ASAP3: variants seen among roughly 807,000 people sequenced by gnomAD.
ASAP3 encodes arf-GAP with SH3 domain, ANK repeat and PH domain-containing protein 3.
Under a neutral mutation model 118.2 loss-of-function variants are expected in ASAP3, and 85 were observed. The observed-to-expected ratio is 0.72, with a 90% CI of 0.60 to 0.86. The LOEUF is 0.86. Among genes scored for constraint, ASAP3 ranks in the 40% least tolerant of loss-of-function variants. The probability of loss-of-function intolerance (pLI) is 0.00; values close to 1 mark genes in which losing one functional copy is unlikely to be tolerated. For missense variants in ASAP3, 1,026 were observed against 1,175.0 expected (o/e 0.87, Z 1.85); for synonymous variants, 432 against 477.4 (o/e 0.90, Z 1.24).
chr1:23,469,223 T>C (rs531524835), intron 1 of ASAP3, among the ~76,000 whole-genome samples: 26 of 152,170 alleles, frequency 1.7e-4, no homozygotes, highest in African/African-American at 6.0e-4. Flanking sequence ...AGGGTATCAC[T>C]TGAGCCCAGG....
chr1:23,435,849 A>G lies in ASAP3; in HGVS notation c.1749+2T>C, dbSNP rs1048602825. 2.5e-6 allele frequency: 4 copies of G among 1,614,238 alleles called. No homozygotes were observed. The highest frequency in any genetic ancestry group is 3.4e-6 in the Non-Finnish European group (4 of 1,180,046). ...ATAAGTGGCCCTTGGAGGGGTTCTC[A>G]CCTGTGCATCAGGCCCTGGCAGCGG... On this transcript the variant is annotated splice_donor_variant, in intron 17 of 24. Transcript: ENST00000336689. LOFTEE classifies it high-confidence loss of function.
chr1:23,476,773 T>C (rs1642141023), intron 1 of ASAP3, among the ~76,000 whole-genome samples: 1 of 152,212 alleles, frequency 6.6e-6, no homozygotes, highest in South Asian at 2.1e-4. Context: ...GGGTCACATA[T>C]ATTTCAGCTT....
chr1:23,464,209 C>G (rs942974340), intron 1 of ASAP3, among the ~76,000 whole-genome samples: 1 of 150,260 alleles, frequency 6.7e-6, no homozygotes, highest in Non-Finnish European at 1.5e-5. Context: ...TTTTTTGAGA[C>G]ACAGTCTCTC....
chr1:23,436,851 G>GGA lies in ASAP3; in HGVS notation c.1476+58_1476+59dup. On this transcript the variant is annotated intron_variant, in intron 15 of 24. Coordinates refer to ENST00000336689, the MANE Select transcript of ASAP3 (RefSeq NM_017707.4). The surrounding 1 kb of genome is among the most constrained non-coding windows in gnomAD (Gnocchi z 4.2). ...CCCACAACCTGCAAGCCCCGCCCCC[G>GGA]GATGAAACTACACCCCTAACTCCGC... The GGA allele has an allele frequency of 7.6e-7, 1 of 1,321,564 alleles. No homozygotes were observed. The highest frequency in any genetic ancestry group is 1.0e-6 in the Non-Finnish European group (1 of 999,848). The allele number at this position is 1,321,564 out of a possible 1,614,324, so 81.9% of individuals were successfully genotyped here.
rs142945237 is a variant in ASAP3, at chr1:23,431,121, C to T, written c.2551G>A (p.Glu851Lys). 9.7e-4 allele frequency: 1,542 copies of T among 1,585,638 alleles called. 2 individuals are homozygous for T. The highest frequency in any genetic ancestry group is 1.2e-3 in the Non-Finnish European group (1,433 of 1,166,308). The stretch of plus-strand genomic sequence containing the variant: ...CCCCGCCGATAGGAGCGAGTGCTCT[C>T]GGAGCTGGAAGGCAGGGAAAGGCCA... Reference protein sequence around the residue: ...EMYLPVRFSSESTRSYRRGAR... With the variant: ...EMYLPVRFSSKSTRSYRRGAR... Residue 851 changes from glutamate to lysine, a missense_variant, in exon 24 of 25, where the codon GAG (glutamate) becomes AAG (lysine). By Grantham distance (56) the Glu-to-Lys change is moderately conservative. Coordinates refer to ENST00000336689, the MANE Select transcript of ASAP3 (RefSeq NM_017707.4).
chr1:23,467,563 T>C (rs1318115072), intron 1 of ASAP3, among the ~76,000 whole-genome samples: 1 of 152,168 alleles, frequency 6.6e-6, no homozygotes, highest in Non-Finnish European at 1.5e-5. Context: ...TTAGAGATTA[T>C]CTAACATTAC....
chr1:23,447,734 CTTTCT>C (rs1401788245), intron 5 of ASAP3, among the ~76,000 whole-genome samples: 10 of 152,104 alleles, frequency 6.6e-5, no homozygotes, highest in East Asian at 5.8e-4. Context: ...TTTCTTCTTT[CTTTCT>C]TTTATTTTTT....
Position 23,435,946 on chromosome 1 carries a change from A to G in ASAP3, c.1654T>C (p.Trp552Arg). Reference sequence around the variant, plus strand: ...AGGTCCCTGTTGCAAATGGCTGTCCAGAGTCGCTGAGGCTCAGGTGTGCAC... The same window carrying G: ...AGGTCCCTGTTGCAAATGGCTGTCCGGAGTCGCTGAGGCTCAGGTGTGCAC... Reference protein sequence around the residue: ...RRCTPEPQRLWTAICNRDLLS... With the variant: ...RRCTPEPQRLRTAICNRDLLS... The change falls in exon 17 of 25, where the codon TGG (tryptophan) becomes CGG (arginine). Residue 552 changes from tryptophan to arginine, a missense_variant. Transcript: ENST00000336689. The G allele has an allele frequency of 6.2e-7, 1 of 1,614,258 alleles. No individual in the cohort carries two copies. Among genetic ancestry groups the G allele is most frequent in the African/African-American group, 1.3e-5 (1 of 75,074 alleles).
chr1:23,458,741 T>A (rs939534752), intron 1 of ASAP3, among the ~76,000 whole-genome samples: 37 of 151,004 alleles, frequency 2.5e-4, no homozygotes, highest in Admixed American at 2.2e-3. Context: ...ACTTCTATGG[T>A]TCCCCAAAAT....
At position 23,454,550 on chromosome 1, in the gene ASAP3, C is replaced by T. The variant is rs894671796; in HGVS notation, c.348+1331G>A. Among the ~76,000 whole-genome samples the T allele has an allele frequency of 2.0e-5, 3 of 152,226 alleles. No homozygotes were observed. The East Asian group carries it at 5.8e-4, about 29-fold the overall frequency. On this transcript the variant is annotated intron_variant, in intron 3 of 24. Transcript: ENST00000336689. ...CCCAGGCTGGTCTAGAGCTTCTGGG[C>T]TCAAGCGATCCACACACCTCAGGCT... is the stretch of plus-strand genomic sequence containing the variant.
intron 5 of ASAP3, among the ~76,000 whole-genome samples, chr1:23,448,492 C>G (rs1023924707): frequency 2.6e-5 from 4 of 152,076 alleles, no homozygotes; most frequent in African/African-American, 7.2e-5. Context: ...AGGTCTAGCT[C>G]TGTCTCCCAA....
intron 4 of ASAP3, 100 bp from the exon 5 acceptor site, chr1:23,451,628 C>G (rs1641218076): frequency 2.3e-6 from 3 of 1,325,392 alleles, no homozygotes; most frequent in Non-Finnish European, 1.1e-6. Flanking sequence ...GTGTGCTCCC[C>G]TGAGCTGCTC....
At position 23,431,273 on chromosome 1, in the gene ASAP3, C is replaced by T. The variant is rs1570320073; in HGVS notation, c.2547-148G>A. ...CCCCAGGCCAGGTCCATCACAGGCC[C>T]AAGAAGGCTGGAACTGACCTCCAGA... is the stretch of plus-strand genomic sequence containing the variant. On this transcript the variant is annotated intron_variant, in intron 23 of 24. Coordinates refer to ENST00000336689, the MANE Select transcript of ASAP3 (RefSeq NM_017707.4). 5.3e-6 allele frequency: 4 copies of T among 760,594 alleles called. No individual in the cohort carries two copies. The East Asian group carries it at 1.1e-4, about 21-fold the overall frequency. The allele number at this position is 760,594 out of a possible 1,614,324, so 47.1% of individuals were successfully genotyped here. A position where few individuals can be genotyped will look rare whatever the true frequency, so the allele number is the denominator to read the frequency against.
intron 1 of ASAP3, among the ~76,000 whole-genome samples, chr1:23,482,122 A>T (rs1264099745): frequency 6.6e-6 from 1 of 152,256 alleles, no homozygotes; most frequent in East Asian, 1.9e-4. Context: ...AGGCTCCGTG[A>T]GACAAATGAG....
intron 1 of ASAP3, among the ~76,000 whole-genome samples, chr1:23,458,281 G>A (rs777879740): frequency 1.1e-4 from 16 of 152,142 alleles, no homozygotes; most frequent in Non-Finnish European, 2.1e-4. Context: ...AGGAGTTCAA[G>A]ACCAGCCTAG....
chr1:23,452,199 G>C (rs1558146319), intron 4 of ASAP3, among the ~76,000 whole-genome samples: 1 of 152,146 alleles, frequency 6.6e-6, no homozygotes, highest in East Asian at 1.9e-4. Context: ...AACCCTCTTG[G>C]GGGAGCACGG....
At chr1:23,443,133 G>GT (rs1455738334) in intron 5 of ASAP3, among the ~76,000 whole-genome samples, 1 of 152,230 alleles carries the variant, frequency 6.6e-6, no homozygotes, top group African/African-American at 2.4e-5. Flanking sequence ...CAAGGGCCAA[G>GT]TGAGATTTGG....
At chr1:23,465,085 G>A (rs1047304236) in intron 1 of ASAP3, among the ~76,000 whole-genome samples, 2 of 152,220 alleles carry the variant, frequency 1.3e-5, no homozygotes, top group Non-Finnish European at 2.9e-5. Flanking sequence ...GGTTACTGGG[G>A]AGATTAAGTA....
chr1:23,442,068 AAGTTCT>A, intron 7 of ASAP3, 112 bp downstream of exon 7: 2 of 1,104,954 alleles, frequency 1.8e-6, no homozygotes, highest in South Asian at 2.7e-5. Flanking sequence ...GGAACTATGA[AAGTTCT>A]GCCAAAAAGA....
Sources: gnomAD v4.1 joint callset for allele counts (sites outside exome capture counted in the v4.1 genomes callset) on GRCh38, gnomAD v4.1.1 for gene constraint, Gnocchi (gnomAD v3.1) non-coding constraint, MANE v1.5 for transcripts, NCBI Gene and HGNC (gene_info 2026-07-23, HGNC 2026-07-21) for gene names.